The following LRRC4C variants were observed in gnomAD, a reference collection of about 807,000 sequenced individuals.
The protein encoded by LRRC4C is leucine rich repeat containing 4C, also known as leucine-rich repeat-containing protein 4C.
Under a neutral mutation model 33.6 loss-of-function variants are expected in LRRC4C, and 5 were observed. That is an observed-to-expected ratio of 0.15 (90% CI 0.08 to 0.31). The LOEUF (loss-of-function observed/expected upper bound fraction) is 0.31, where lower values mean the gene tolerates loss of function less well. LRRC4C is among the 10% of genes least tolerant of loss of function. LRRC4C has a pLI of 1.00. For synonymous variants in LRRC4C, 329 were observed against 302.0 expected (o/e 1.09, Z -0.93); for missense variants, 560 against 796.7 (o/e 0.70, Z 3.58).
chr11:40,913,956 G>C (rs1956818640), intron 2 of LRRC4C, among the ~76,000 whole-genome samples: 1 of 152,102 alleles, frequency 6.6e-6, no homozygotes, highest in African/African-American at 2.4e-5. Context: ...AGAAGAAATG[G>C]ATAAATTCCT....
Position 40,543,838 on chromosome 11 carries a change from A to AT in LRRC4C, c.-270+104303dup, listed in dbSNP as rs527624107. Among the ~76,000 whole-genome samples the AT allele has an allele frequency of 5.0e-3, 754 of 151,928 alleles. 2 individuals carry two copies. The highest frequency in any genetic ancestry group is 6.9e-3 in the Non-Finnish European group (466 of 67,924). On this transcript the variant is annotated intron_variant, in intron 3 of 6. Coordinates refer to ENST00000528697, the MANE Select transcript of LRRC4C (RefSeq NM_001258419.2). ...CAACAGTGATCATTTGAGGACTACC[A>AT]TTTTTTTTGTATTAAAATACATGGG... is the stretch of plus-strand genomic sequence containing the variant.
chr11:40,845,896 C>T (rs1325935162), intron 2 of LRRC4C, among the ~76,000 whole-genome samples: 1 of 152,180 alleles, frequency 6.6e-6, no homozygotes, highest in Admixed American at 6.5e-5. Flanking sequence ...GATGGTATCT[C>T]ATTGTGGTTC....
rs1491241083 is a variant in LRRC4C, at chr11:40,865,532, T to TATATAA, written c.-407+68102_-407+68103insTTATAT. 5.6e-5 allele frequency among the ~76,000 whole-genome samples: 8 copies of TATATAA among 144,044 alleles called. No homozygotes were observed. In the Admixed American group the frequency reaches 5.6e-4, roughly 10 times the overall value. The allele number at this position is 144,044 out of a possible 152,430, so 94.5% of individuals were successfully genotyped here. On this transcript the variant is annotated intron_variant, in intron 2 of 6. Coordinates refer to ENST00000528697, the MANE Select transcript of LRRC4C (RefSeq NM_001258419.2). ...GTGTGTATATATATATATATATATA[T>TATATAA]AATTTCAAAACATCATGTTGTATGT...
intron 3 of LRRC4C, among the ~76,000 whole-genome samples, chr11:40,423,307 T>A (rs1950587549): frequency 6.6e-6 from 1 of 151,782 alleles, no homozygotes; most frequent in Non-Finnish European, 1.5e-5. Context: ...CGGTGTTATT[T>A]GAATGTGAAA....
At chr11:40,619,871 G>T (rs2135944181) in intron 3 of LRRC4C, among the ~76,000 whole-genome samples, 1 of 151,472 alleles carries the variant, frequency 6.6e-6, no homozygotes, top group African/African-American at 2.4e-5. Context: ...AATGCACAGA[G>T]ACTGTCAAGC....
At position 40,834,911 on chromosome 11, in the gene LRRC4C, GACACACACACACAC is replaced by G. The variant is rs10682975; in HGVS notation, c.-407+98710_-407+98723del. Reference sequence around the variant, plus strand: ...AGACAGACAGACAGACAGACAGACAGACACACACACACACACACACACACACACACACACACACA... The same window carrying G: ...AGACAGACAGACAGACAGACAGACAGACACACACACACACACACACACACA... On this transcript the variant is annotated intron_variant, in intron 2 of 6. Transcript: ENST00000528697. Among the ~76,000 whole-genome samples, 15 of 84,932 alleles carry G rather than the reference GACACACACACACAC, an allele frequency of 1.8e-4. 1 individual carries two copies. Among genetic ancestry groups the G allele is most frequent in the African/African-American group, 5.2e-4 (15 of 28,854 alleles). The allele number at this position is 84,932 out of a possible 152,430, so 55.7% of individuals were successfully genotyped here.
intron 4 of LRRC4C, among the ~76,000 whole-genome samples, chr11:40,282,824 T>C (rs1943569523): frequency 6.6e-6 from 1 of 152,220 alleles, no homozygotes; most frequent in African/African-American, 2.4e-5. Flanking sequence ...CAAATTATTA[T>C]ATCCATGAAT....
chr11:41,095,898 C>A (rs767163925), intron 1 of LRRC4C, among the ~76,000 whole-genome samples: 1 of 152,040 alleles, frequency 6.6e-6, no homozygotes, highest in African/African-American at 2.4e-5. Context: ...TTAATTTTTG[C>A]GCCTAAAACC....
At chr11:41,074,210 T>TAC (rs1396652600) in intron 1 of LRRC4C, among the ~76,000 whole-genome samples, 1 of 152,150 alleles carries the variant, frequency 6.6e-6, no homozygotes, top group Non-Finnish European at 1.5e-5. Flanking sequence ...GTACTAAGAA[T>TAC]ACACCACTTC....
intron 2 of LRRC4C, among the ~76,000 whole-genome samples, chr11:40,906,384 G>A (rs181768788): frequency 1.0e-3 from 155 of 152,166 alleles, no homozygotes; most frequent in African/African-American, 3.6e-3. Context: ...GGTGCCATGC[G>A]CCTGTAATCC....
intron 3 of LRRC4C, among the ~76,000 whole-genome samples, chr11:40,399,472 G>C (rs1376745489): frequency 6.6e-6 from 1 of 151,104 alleles, no homozygotes; most frequent in Non-Finnish European, 1.5e-5. Flanking sequence ...TCATAGGTGG[G>C]AATTGAACAA....
At chr11:40,915,494 T>C (rs1956915621) in intron 2 of LRRC4C, among the ~76,000 whole-genome samples, 1 of 152,212 alleles carries the variant, frequency 6.6e-6, no homozygotes, top group Non-Finnish European at 1.5e-5. Flanking sequence ...GCTAGCCATA[T>C]GTAGAAAGCT....
intron 3 of LRRC4C, among the ~76,000 whole-genome samples, chr11:40,466,551 C>T (rs987002512): frequency 6.6e-6 from 1 of 151,634 alleles, no homozygotes; most frequent in Non-Finnish European, 1.5e-5. Context: ...ATTATGTATA[C>T]TTTTTCCTTT....
intron 1 of LRRC4C, among the ~76,000 whole-genome samples, chr11:41,160,621 CTTTA>C (rs934135498): frequency 5.9e-5 from 9 of 152,012 alleles, no homozygotes; most frequent in African/African-American, 1.9e-4. Context: ...GCATGCATGT[CTTTA>C]TTCATTTATT....
At chr11:40,861,639 A>G (rs1236359288) in intron 2 of LRRC4C, among the ~76,000 whole-genome samples, 1 of 152,190 alleles carries the variant, frequency 6.6e-6, no homozygotes, top group Admixed American at 6.5e-5. Context: ...CCAAGAAGGC[A>G]CGGTTATTGT....
chr11:40,552,810 T>C (rs1430736776), intron 3 of LRRC4C, among the ~76,000 whole-genome samples: 1 of 152,212 alleles, frequency 6.6e-6, no homozygotes, highest in African/African-American at 2.4e-5. Context: ...TTCAAAATGT[T>C]AATCTATAAC....
At chr11:40,729,113 T>G (rs1467283362) in intron 2 of LRRC4C, among the ~76,000 whole-genome samples, 1 of 152,102 alleles carries the variant, frequency 6.6e-6, no homozygotes, top group East Asian at 1.9e-4. Flanking sequence ...AAACTGCACA[T>G]GTACCCCCAT....
chr11:40,182,393 G>T (rs956896633), intron 5 of LRRC4C, among the ~76,000 whole-genome samples: 1 of 151,684 alleles, frequency 6.6e-6, no homozygotes, highest in Admixed American at 6.6e-5. Flanking sequence ...GATTCTTCAG[G>T]GTACACATAA....
intron 1 of LRRC4C, among the ~76,000 whole-genome samples, chr11:41,221,280 C>A: frequency 6.9e-6 from 1 of 144,676 alleles, no homozygotes. Context: ...TGCGGCCAAC[C>A]ATCATATGAA....
Sources: allele counts gnomAD v4.1 joint callset (sites outside exome capture counted in the v4.1 genomes callset), GRCh38; gene constraint gnomAD v4.1.1; transcripts MANE v1.5; gene names NCBI Gene and HGNC (gene_info 2026-07-23, HGNC 2026-07-21).